The following CACNA2D1 variants were observed in gnomAD, a reference collection of about 807,000 sequenced individuals.
The protein encoded by CACNA2D1 is calcium voltage-gated channel auxiliary subunit alpha2delta 1.
A neutral mutation model predicts 171.5 loss-of-function variants in CACNA2D1; 53 were observed. The observed-to-expected ratio is 0.31, with a 90% CI of 0.25 to 0.39. CACNA2D1 has a LOEUF of 0.39. CACNA2D1 is among the 10% of genes least tolerant of loss of function. CACNA2D1 has a pLI of 1.00. For missense variants in CACNA2D1, 903 were observed against 1,299.8 expected (o/e 0.69, Z 4.69); for synonymous variants, 442 against 443.1 (o/e 1.00, Z 0.03).
chr7:82,402,174 G>T (rs1400729214), intron 1 of CACNA2D1, among the ~76,000 whole-genome samples: 1 of 152,150 alleles, frequency 6.6e-6, no homozygotes, highest in Non-Finnish European at 1.5e-5. Context: ...TTCACAAGGA[G>T]GCTGGGAAAG....
chr7:82,298,957 G>C (rs1304171984), intron 3 of CACNA2D1, among the ~76,000 whole-genome samples: 1 of 151,666 alleles, frequency 6.6e-6, no homozygotes, highest in African/African-American at 2.4e-5. Flanking sequence ...CAGCTACTCG[G>C]GAGACTGAGG....
At chr7:82,030,108 A>G (rs901537793) in intron 12 of CACNA2D1, among the ~76,000 whole-genome samples, 3 of 151,890 alleles carry the variant, frequency 2.0e-5, no homozygotes, top group African/African-American at 7.2e-5. Context: ...ATGAAATGCA[A>G]CCTTTGTTTA....
intron 1 of CACNA2D1, among the ~76,000 whole-genome samples, chr7:82,394,113 C>G (rs1356758278): frequency 6.6e-6 from 1 of 152,010 alleles, no homozygotes; most frequent in Non-Finnish European, 1.5e-5. Context: ...TAGAATGGGA[C>G]TCAAAGGAGG....
intron 7 of CACNA2D1, among the ~76,000 whole-genome samples, chr7:82,067,302 C>G (rs1384369946): frequency 6.6e-6 from 1 of 152,080 alleles, no homozygotes; most frequent in Admixed American, 6.6e-5. Flanking sequence ...TAATTTCATG[C>G]TGAAGTAGTC....
At chr7:82,305,431 T>A (rs1420632302) in intron 3 of CACNA2D1, among the ~76,000 whole-genome samples, 1 of 152,204 alleles carries the variant, frequency 6.6e-6, no homozygotes, top group South Asian at 2.1e-4. Flanking sequence ...AAGAATCTTA[T>A]TAGTGAAATA....
At chr7:82,129,722 A>G (rs889930166) in intron 5 of CACNA2D1, among the ~76,000 whole-genome samples, 23 of 152,166 alleles carry the variant, frequency 1.5e-4, no homozygotes, top group Admixed American at 1.4e-3. Context: ...CTTTACTGTT[A>G]CTGAGTATCT....
chr7:82,295,463 A>G (rs1812149214), intron 3 of CACNA2D1, among the ~76,000 whole-genome samples: 1 of 151,572 alleles, frequency 6.6e-6, no homozygotes, highest in African/African-American at 2.4e-5. Context: ...CAGCCTCCCC[A>G]GTGGCTGAGA....
chr7:82,359,879 C>T (rs980199162), intron 1 of CACNA2D1, among the ~76,000 whole-genome samples: 1 of 152,134 alleles, frequency 6.6e-6, no homozygotes, highest in Non-Finnish European at 1.5e-5. Context: ...CTATTGAGCA[C>T]CTATATGTCA....
chr7:82,106,909 C>A (rs750298868), intron 6 of CACNA2D1, among the ~76,000 whole-genome samples: 9 of 152,072 alleles, frequency 5.9e-5, no homozygotes, highest in Non-Finnish European at 1.3e-4. Context: ...GGGTTCAATA[C>A]CAAGATTAAC....
At chr7:81,959,859 T>C (rs1443878532) in intron 36 of CACNA2D1, 30 bp from the exon 37 acceptor site, 3 of 1,603,104 alleles carry the variant, frequency 1.9e-6, no homozygotes, top group Admixed American at 1.7e-5. Context: ...TCATAGAAAA[T>C]GAGTATCTTT....
chr7:82,022,677 AC>A (rs1402070580), intron 12 of CACNA2D1, among the ~76,000 whole-genome samples: 1 of 151,938 alleles, frequency 6.6e-6, no homozygotes, highest in Non-Finnish European at 1.5e-5. Context: ...GATATTTGTA[AC>A]TTGGTTTAGA....
At chr7:82,384,563 T>C (rs1824109190) in intron 1 of CACNA2D1, among the ~76,000 whole-genome samples, 5 of 151,108 alleles carry the variant, frequency 3.3e-5, no homozygotes, top group Admixed American at 1.3e-4. Context: ...TTGTAAAATA[T>C]TTTGAAATTA....
rs553520299 is a variant in CACNA2D1, at chr7:82,129,510, T to C, written c.396+7125A>G. ...TATTCTGAGGATTATTGATAAACAA[T>C]TCACATTGTCAAATTTGTTAGTTTC... is the stretch of plus-strand genomic sequence containing the variant. On this transcript the variant is annotated intron_variant, in intron 5 of 38. Transcript: ENST00000356860. 2.6e-5 allele frequency among the ~76,000 whole-genome samples: 4 copies of C among 152,332 alleles called. No individual in the cohort carries two copies. In the East Asian group the frequency reaches 5.8e-4, roughly 22 times the overall value.
chr7:82,061,007 T>G (rs1428216455), intron 9 of CACNA2D1, among the ~76,000 whole-genome samples: 1 of 152,186 alleles, frequency 6.6e-6, no homozygotes, highest in Admixed American at 6.5e-5. Context: ...CCTCTAGAAT[T>G]TATTCTTCAT....
In CACNA2D1 at chr7:82,217,910, ATTATTTAT is replaced by A. The variant is rs60997591; in HGVS notation, c.295-47309_295-47302del. Among the ~76,000 whole-genome samples, 345 of 143,826 alleles carry A rather than the reference ATTATTTAT, an allele frequency of 2.4e-3. 3 individuals carry two copies. Among genetic ancestry groups the A allele is most frequent in the African/African-American group, 8.1e-3 (310 of 38,268 alleles). 94.4% of individuals were successfully genotyped at this position (143,826 alleles called of 152,430 possible). A position where few individuals can be genotyped will look rare whatever the true frequency, so the allele number is the denominator to read the frequency against. ...CTATGTAGGGCTTCACCAAGACTAC[ATTATTTAT>A]TTATTTATTTATTTATTTATATTTT... On this transcript the variant is annotated intron_variant, in intron 3 of 38. Transcript: ENST00000356860.
chr7:82,311,317 T>G (rs932890045), intron 3 of CACNA2D1, among the ~76,000 whole-genome samples: 19 of 152,102 alleles, frequency 1.2e-4, no homozygotes, highest in Admixed American at 7.9e-4. Flanking sequence ...CTGACAACTT[T>G]TTAGATCATA....
chr7:82,241,455 A>C (rs181563908), intron 3 of CACNA2D1, among the ~76,000 whole-genome samples: 1 of 152,306 alleles, frequency 6.6e-6, no homozygotes, highest in East Asian at 1.9e-4. Flanking sequence ...GCTTAAGGTC[A>C]GACAGCTGAG....
At chr7:82,117,264 T>G in intron 5 of CACNA2D1, 91 bp from the exon 6 acceptor site, 2 of 1,260,812 alleles carry the variant, frequency 1.6e-6, no homozygotes, top group Admixed American at 3.8e-5. Flanking sequence ...TGCATATTTT[T>G]CAAAAAATAA....
At chr7:82,095,662 A>G (rs922485043) in intron 6 of CACNA2D1, among the ~76,000 whole-genome samples, 6 of 152,184 alleles carry the variant, frequency 3.9e-5, no homozygotes, top group African/African-American at 1.4e-4. Flanking sequence ...TACTAACAAT[A>G]TCTATTTGTT....
Sources: allele counts gnomAD v4.1 joint callset (sites outside exome capture counted in the v4.1 genomes callset), GRCh38; gene constraint gnomAD v4.1.1; transcripts MANE v1.5; gene names NCBI Gene and HGNC (gene_info 2026-07-23, HGNC 2026-07-21).